CUL2: variants seen among roughly 807,000 people sequenced by gnomAD.
CUL2 encodes the protein cullin-2.
A neutral mutation model predicts 110.2 loss-of-function variants in CUL2; 22 were observed. That is an observed-to-expected ratio of 0.20 (90% CI 0.14 to 0.28). The LOEUF (loss-of-function observed/expected upper bound fraction) is 0.28, where lower values mean the gene tolerates loss of function less well. Ranked by LOEUF, CUL2 falls within the 10% of genes least tolerant of loss-of-function variation. The probability of loss-of-function intolerance (pLI) is 1.00; values close to 1 mark genes in which losing one functional copy is unlikely to be tolerated. For missense variants in CUL2, 631 were observed against 905.5 expected, an observed-to-expected ratio of 0.70 and a Z score of 3.89; for synonymous variants, 279 against 293.2, an observed-to-expected ratio of 0.95 and a Z score of 0.49.
chr10:35,017,749 G>A (rs974781986), intron 17 of CUL2, among the ~76,000 whole-genome samples: 1 of 151,290 alleles, frequency 6.6e-6, no homozygotes, highest in African/African-American at 2.4e-5. Flanking sequence ...AAGAGATAGA[G>A]CAAGTATTAT....
chr10:35,066,276 A>G (rs1334498038), intron 2 of CUL2, among the ~76,000 whole-genome samples: 4 of 152,130 alleles, frequency 2.6e-5, no homozygotes, highest in Admixed American at 2.6e-4. Flanking sequence ...AAAATATATA[A>G]TAAAATTAAC....
At chr10:35,030,000 T>C (rs902694419) in intron 14 of CUL2, among the ~76,000 whole-genome samples, 1 of 152,240 alleles carries the variant, frequency 6.6e-6, no homozygotes, top group Non-Finnish European at 1.5e-5. Flanking sequence ...TTTTAAAGAC[T>C]TGGGGTCTCA....
Position 35,009,183 on chromosome 10 carries a change from GATATATATATATATATATTAT to G in CUL2, c.*1107_*1127del, listed in dbSNP as rs1046780722. Reference sequence around the variant, plus strand: ...GCAGTACTCTTAACACTGCTGTTGAGATATATATATATATATATTATATATATATATATATATAAAATAAAC... The same window carrying G: ...GCAGTACTCTTAACACTGCTGTTGAGATATATATATATATATAAAATAAAC... On this transcript the variant is annotated 3_prime_UTR_variant, in exon 21 of 21. Coordinates refer to ENST00000374749, the MANE Select transcript of CUL2 (RefSeq NM_003591.4). 18 of 117,044 alleles carry G rather than the reference GATATATATATATATATATTAT, an allele frequency of 1.5e-4. No homozygotes were observed. Among genetic ancestry groups the G allele is most frequent in the East Asian group, 2.5e-4 (1 of 4,030 alleles). 7.3% of individuals were successfully genotyped at this position (117,044 alleles called of 1,614,324 possible).
Position 35,065,825 on chromosome 10 carries a change from T to C in CUL2, c.120-2763A>G, listed in dbSNP as rs915447899. On this transcript the variant is annotated intron_variant, in intron 2 of 20. Coordinates refer to ENST00000374749, the MANE Select transcript of CUL2 (RefSeq NM_003591.4). ...AGTGAGCCGAGATCACACCACTGCA[T>C]TCCAGCCTGGCAACAGAGCGAGACA... 3.3e-5 allele frequency among the ~76,000 whole-genome samples: 5 copies of C among 151,838 alleles called. No individual in the cohort carries two copies. In the East Asian group the frequency reaches 9.7e-4, roughly 29 times the overall value.
At chr10:35,100,514 C>T (rs772576450) in intron 2 of CUL2, among the ~76,000 whole-genome samples, 61 of 152,146 alleles carry the variant, frequency 4.0e-4, no homozygotes, top group African/African-American at 1.3e-3. Flanking sequence ...GTAATCCCAG[C>T]ACTTTGGGAG....
At chr10:35,038,888 T>C in intron 9 of CUL2, 32 bp downstream of exon 9, 1 of 1,475,580 alleles carries the variant, frequency 6.8e-7, no homozygotes, top group Non-Finnish European at 9.2e-7. Context: ...GGATTTATAA[T>C]TTAATTTCTA....
chr10:35,104,155 T>G (rs1481895316), intron 1 of CUL2, among the ~76,000 whole-genome samples: 1 of 152,104 alleles, frequency 6.6e-6, no homozygotes, highest in Non-Finnish European at 1.5e-5. Flanking sequence ...GTCCATAAGA[T>G]GACACCAGAG....
rs2085484958 is a variant in CUL2, at chr10:35,031,738, T to TA, written c.1171-120dup. The TA allele has an allele frequency of 9.6e-7, 1 of 1,043,422 alleles. No homozygotes were observed. The highest frequency in any genetic ancestry group is 1.4e-6 in the Non-Finnish European group (1 of 711,216). The allele number at this position is 1,043,422 out of a possible 1,614,324, so 64.6% of individuals were successfully genotyped here. ...CGGACAGAATTTTTGCTGTTTTTTTTAGAGACCGGGTCTTGCTCTGTTGCC... is the reference window on the plus strand; with the variant it reads ...CGGACAGAATTTTTGCTGTTTTTTTTAAGAGACCGGGTCTTGCTCTGTTGCC... On this transcript the variant is annotated intron_variant, in intron 12 of 20. Transcript: ENST00000374749. This position sits in a 1 kb window ranked among gnomAD's most constrained non-coding sequence, Gnocchi z 4.4.
chr10:35,116,216 G>T (rs536643981), intron 1 of CUL2, among the ~76,000 whole-genome samples: 1 of 151,918 alleles, frequency 6.6e-6, no homozygotes, highest in Non-Finnish European at 1.5e-5. Flanking sequence ...GGTGGCAGGC[G>T]CCTGTAATCC....
At chr10:35,066,975 G>C (rs745373494) in intron 2 of CUL2, among the ~76,000 whole-genome samples, 1 of 152,002 alleles carries the variant, frequency 6.6e-6, no homozygotes, top group Admixed American at 6.6e-5. Flanking sequence ...GTTTGAAAGA[G>C]ATGCCTGATA....
intron 14 of CUL2, 83 bp from the exon 15 acceptor site, chr10:35,029,723 T>G: frequency 1.9e-6 from 2 of 1,042,926 alleles, no homozygotes; most frequent in Non-Finnish European, 2.7e-6. Context: ...TCGGTATTGC[T>G]AGGTCTTTGA....
chr10:35,098,336 G>T (rs183850044), intron 2 of CUL2, among the ~76,000 whole-genome samples: 4 of 152,138 alleles, frequency 2.6e-5, no homozygotes, highest in Non-Finnish European at 4.4e-5. Flanking sequence ...TCAAAATTGG[G>T]AATACAGAGT....
intron 17 of CUL2, among the ~76,000 whole-genome samples, chr10:35,020,377 A>G (rs2085153228): frequency 6.6e-6 from 1 of 152,246 alleles, no homozygotes. Flanking sequence ...TGGACTGGAC[A>G]TTAGACAATA....
At chr10:35,039,381 C>T (rs998456430) in intron 8 of CUL2, among the ~76,000 whole-genome samples, 1 of 152,114 alleles carries the variant, frequency 6.6e-6, no homozygotes. Context: ...TAACATGTAA[C>T]AGGAAAAGTG....
At chr10:35,122,197 C>T (rs1331679239) in intron 1 of CUL2, among the ~76,000 whole-genome samples, 5 of 152,136 alleles carry the variant, frequency 3.3e-5, no homozygotes, top group East Asian at 3.8e-4. Flanking sequence ...TGAATAGAAA[C>T]GGCCTGCATA....
chr10:35,063,864 T>C (rs1564732950), intron 2 of CUL2: 1 of 151,932 alleles, frequency 6.6e-6, no homozygotes, highest in Non-Finnish European at 1.5e-5. Context: ...GCAAAGCCCA[T>C]TTATAACTTT....
chr10:35,061,800 G>C (rs2086390549), intron 3 of CUL2, among the ~76,000 whole-genome samples: 1 of 137,094 alleles, frequency 7.3e-6, no homozygotes, highest in Admixed American at 7.7e-5. Context: ...TACAGGTAGT[G>C]TCTCACTATA....
chr10:35,085,229 C>A (rs1480482123), intron 1 of CUL2, among the ~76,000 whole-genome samples: 1 of 151,424 alleles, frequency 6.6e-6, no homozygotes, highest in East Asian at 1.9e-4. Context: ...GAGATTGAGA[C>A]CATCCTGGCT....
intron 1 of CUL2, among the ~76,000 whole-genome samples, chr10:35,077,646 G>C (rs557117108): frequency 3.3e-5 from 5 of 150,990 alleles, no homozygotes; most frequent in Non-Finnish European, 7.4e-5. Flanking sequence ...GGAGAAACCC[G>C]GTCTCTACTA....
Sources: gnomAD v4.1 joint callset for allele counts (sites outside exome capture counted in the v4.1 genomes callset) on GRCh38, gnomAD v4.1.1 for gene constraint, Gnocchi (gnomAD v3.1) non-coding constraint, MANE v1.5 for transcripts, NCBI Gene and HGNC (gene_info 2026-07-23, HGNC 2026-07-21) for gene names.